Variants in DOCK1 observed in about 807,000 individuals in gnomAD.
DOCK1 encodes dedicator of cytokinesis protein 1.
A neutral mutation model predicts 262.7 loss-of-function variants in DOCK1; 138 were observed. The ratio of observed to expected loss-of-function variants is 0.53; its 90% CI spans 0.46 to 0.61. The LOEUF (loss-of-function observed/expected upper bound fraction) is 0.61, where lower values mean the gene tolerates loss of function less well. Ranked by LOEUF, DOCK1 falls within the 20% of genes least tolerant of loss-of-function variation. The pLI is 0.00. For synonymous variants in DOCK1, 866 were observed against 867.4 expected (o/e 1.00, Z 0.03); for missense variants, 1,908 against 2,370.7 (o/e 0.80, Z 4.05).
chr10:127,109,502 A>G (rs777516792), intron 24 of DOCK1, among the ~76,000 whole-genome samples: 5 of 152,230 alleles, frequency 3.3e-5, no homozygotes, highest in Non-Finnish European at 5.9e-5. Flanking sequence ...GAACATTTTT[A>G]TAACCCCAGC....
At chr10:127,306,556 G>C (rs1387284197) in intron 29 of DOCK1, among the ~76,000 whole-genome samples, 2 of 152,304 alleles carry the variant, frequency 1.3e-5, no homozygotes, top group Non-Finnish European at 2.9e-5. Context: ...TGGTACAGGA[G>C]CTCTCGGGTC....
rs977607985 is a variant in DOCK1 at position 127,042,853 on chromosome 10, G to C, written c.2100+139G>C. 1.0e-5 allele frequency: 10 copies of C among 957,808 alleles called. No homozygotes were observed. In the African/African-American group the frequency reaches 1.5e-4, roughly 14 times the overall value. 59.3% of individuals were successfully genotyped at this position (957,808 alleles called of 1,614,324 possible). ...GTAAATCCAATCAGAGATGAATTGG[G>C]GTGGCAGATTTTTTTTCTCTTTTTT... On this transcript the variant is annotated intron_variant, in intron 20 of 51. Transcript: ENST00000623213.
At chr10:127,438,747 C>T (rs7070203) in intron 48 of DOCK1, among the ~76,000 whole-genome samples, 2,251 of 152,334 alleles carry the variant, frequency 0.015, 25 homozygotes, top group Non-Finnish European at 0.024. Context: ...ATCCTCCCAT[C>T]GTAAATGAAC....
chr10:127,093,242 C>CTTTTTTTTTTT (rs200302331), intron 23 of DOCK1, among the ~76,000 whole-genome samples: 10 of 79,344 alleles, frequency 1.3e-4, no homozygotes, highest in Non-Finnish European at 2.0e-4. Flanking sequence ...TTTCTTTCTT[C>CTTTTTTTTTTT]TTTTTTTTTT....
At chr10:127,135,197 G>A (rs939592824) in intron 27 of DOCK1, among the ~76,000 whole-genome samples, 3 of 152,188 alleles carry the variant, frequency 2.0e-5, no homozygotes, top group Admixed American at 2.0e-4. Flanking sequence ...GTGTTCCGGT[G>A]GTGAAACTCC....
intron 1 of DOCK1, among the ~76,000 whole-genome samples, chr10:126,907,270 G>A (rs1264466749): frequency 2.6e-5 from 4 of 152,144 alleles, no homozygotes; most frequent in African/African-American, 4.8e-5. Context: ...AGAGAGAGAG[G>A]AAGAGGTGGA....
At chr10:127,052,557 G>A in intron 21 of DOCK1, 124 bp from the exon 22 acceptor site, 1 of 1,270,780 alleles carries the variant, frequency 7.9e-7, no homozygotes, top group Non-Finnish European at 1.1e-6. Flanking sequence ...ACGTTTTACA[G>A]ATATTCATAT....
intron 27 of DOCK1, among the ~76,000 whole-genome samples, chr10:127,169,182 G>A (rs2054342570): frequency 6.6e-6 from 1 of 152,076 alleles, no homozygotes; most frequent in African/African-American, 2.4e-5. Context: ...TACATATTAG[G>A]TATATGTGTG....
chr10:127,142,974 C>T (rs1358388466), intron 27 of DOCK1, among the ~76,000 whole-genome samples: 2 of 152,172 alleles, frequency 1.3e-5, no homozygotes, highest in African/African-American at 4.8e-5. Flanking sequence ...TGCACCTAAG[C>T]TTTATTTTCT....
rs547100097 is a variant in DOCK1, at chr10:127,263,847, C to G, written c.3044+6418C>G. Among the ~76,000 whole-genome samples the G allele has an allele frequency of 3.4e-4, 52 of 152,246 alleles. No homozygotes were observed. In the South Asian group the frequency reaches 0.01, roughly 30 times the overall value. On this transcript the variant is annotated intron_variant, in intron 29 of 51. Transcript: ENST00000623213. ...ACTTGCTTGAATTTTTGTGTCTCTTCTAGTCTTAGGGTTTGCCTTCGTGCT... is the reference window on the plus strand; with the variant it reads ...ACTTGCTTGAATTTTTGTGTCTCTTGTAGTCTTAGGGTTTGCCTTCGTGCT...
chr10:127,034,334 A>G (rs1207399446), intron 18 of DOCK1, among the ~76,000 whole-genome samples: 1 of 152,022 alleles, frequency 6.6e-6, no homozygotes, highest in Non-Finnish European at 1.5e-5. Flanking sequence ...GTGCAGGGGA[A>G]CTTCTCTTTT....
intron 11 of DOCK1, among the ~76,000 whole-genome samples, chr10:127,011,135 A>C (rs961461757): frequency 2.0e-5 from 3 of 152,178 alleles, no homozygotes; most frequent in Admixed American, 6.5e-5. Context: ...CTCTTATGTA[A>C]TTTGTGACTC....
intron 32 of DOCK1, among the ~76,000 whole-genome samples, chr10:127,359,855 G>A (rs11599419): frequency 0.26 from 39,384 of 152,022 alleles, 5,717 homozygotes; most frequent in African/African-American, 0.38. Flanking sequence ...TAAAGAATTT[G>A]GTTTCCTGAT....
At chr10:127,034,252 C>T (rs1410420187) in intron 18 of DOCK1, among the ~76,000 whole-genome samples, 1 of 152,034 alleles carries the variant, frequency 6.6e-6, no homozygotes. Flanking sequence ...TGGTGGAAGG[C>T]AAGGAGGAGC....
At chr10:127,402,565 G>A (rs1254355703) in intron 38 of DOCK1, 17 of 480,880 alleles carry the variant, frequency 3.5e-5, no homozygotes, top group African/African-American at 8.0e-5. Flanking sequence ...GTTTAGAGTC[G>A]AAGTCTGCCC....
chr10:127,370,574 A>C (rs2065153861), intron 33 of DOCK1, among the ~76,000 whole-genome samples: 1 of 152,226 alleles, frequency 6.6e-6, no homozygotes, highest in Admixed American at 6.5e-5. Flanking sequence ...TCCAAACCAA[A>C]TATAATTGGC....
chr10:126,934,886 G>A (rs1282162527), intron 1 of DOCK1, among the ~76,000 whole-genome samples: 12 of 152,102 alleles, frequency 7.9e-5, no homozygotes, highest in Non-Finnish European at 1.8e-4. Flanking sequence ...GGAGGCCAAG[G>A]TGGGCGGGTC....
intron 29 of DOCK1, among the ~76,000 whole-genome samples, chr10:127,294,831 G>C (rs1199405862): frequency 6.6e-6 from 1 of 151,638 alleles, no homozygotes; most frequent in Non-Finnish European, 1.5e-5. Context: ...TAGTAGAGAC[G>C]AGTTTTCGCC....
intron 1 of DOCK1, among the ~76,000 whole-genome samples, chr10:126,910,500 T>C (rs2031609856): frequency 6.6e-6 from 1 of 152,208 alleles, no homozygotes; most frequent in South Asian, 2.1e-4. Context: ...CTTTCTTTTC[T>C]TCCTCTCTGT....
Sources: gnomAD v4.1 joint callset for allele counts (sites outside exome capture counted in the v4.1 genomes callset) on GRCh38, gnomAD v4.1.1 for gene constraint, MANE v1.5 for transcripts, NCBI Gene and HGNC (gene_info 2026-07-23, HGNC 2026-07-21) for gene names.